PSMB7: variants seen among roughly 807,000 people sequenced by gnomAD.
PSMB7 encodes the protein proteasome 20S subunit beta 7.
A neutral mutation model predicts 28.1 loss-of-function variants in PSMB7; 5 were observed. That is an observed-to-expected ratio of 0.18 (90% CI 0.09 to 0.37). The LOEUF is 0.37. Ranked by LOEUF, PSMB7 falls within the 10% of genes least tolerant of loss-of-function variation. PSMB7 has a pLI of 1.00. For synonymous variants in PSMB7, 122 were observed against 123.7 expected (o/e 0.99, Z 0.09); for missense variants, 275 against 346.2 (o/e 0.79, Z 1.63).
chr9:124,391,010 A>C (rs534864566), intron 5 of PSMB7, among the ~76,000 whole-genome samples: 1 of 152,212 alleles, frequency 6.6e-6, no homozygotes. Context: ...ACCGTCTTAG[A>C]GGTACAATCA....
At chr9:124,407,595 A>G (rs141620888) in intron 4 of PSMB7, among the ~76,000 whole-genome samples, 66 of 152,370 alleles carry the variant, frequency 4.3e-4, no homozygotes, top group African/African-American at 1.6e-3. Flanking sequence ...CTAAGCTAAA[A>G]TATCAACTGT....
chr9:124,387,191 A>T (rs1830732758), intron 5 of PSMB7, among the ~76,000 whole-genome samples: 2 of 152,220 alleles, frequency 1.3e-5, no homozygotes, highest in Admixed American at 1.3e-4. Context: ...GTTTGCAGTG[A>T]GCCCAGATCG....
chr9:124,394,435 C>G (rs1830821946), intron 5 of PSMB7, among the ~76,000 whole-genome samples: 1 of 152,186 alleles, frequency 6.6e-6, no homozygotes, highest in South Asian at 2.1e-4. Context: ...TAACCTCACT[C>G]TCTCTCAGTG....
At chr9:124,361,783 C>T (rs1222783595) in intron 6 of PSMB7, among the ~76,000 whole-genome samples, 1 of 152,224 alleles carries the variant, frequency 6.6e-6, no homozygotes, top group Non-Finnish European at 1.5e-5. Flanking sequence ...TAGAGAGTTG[C>T]ATTTTGTAGA....
intron 4 of PSMB7, among the ~76,000 whole-genome samples, chr9:124,410,307 T>G (rs979809561): frequency 2.6e-5 from 4 of 152,198 alleles, no homozygotes; most frequent in African/African-American, 4.8e-5. Context: ...ATGTTAGGAT[T>G]CTTAAAACAT....
At chr9:124,357,960 G>A (rs1461271635) in intron 6 of PSMB7, among the ~76,000 whole-genome samples, 1 of 152,208 alleles carries the variant, frequency 6.6e-6, no homozygotes, top group African/African-American at 2.4e-5. Context: ...AGGCAGCAAC[G>A]GCAGTGGTAC....
At chr9:124,367,781 G>A (rs774292578) in intron 6 of PSMB7, among the ~76,000 whole-genome samples, 3 of 152,142 alleles carry the variant, frequency 2.0e-5, no homozygotes, top group African/African-American at 7.2e-5. Flanking sequence ...TCATGCACAG[G>A]AGATGCTGGG....
chr9:124,359,395 C>G (rs1830446961), intron 6 of PSMB7, among the ~76,000 whole-genome samples: 2 of 152,328 alleles, frequency 1.3e-5, no homozygotes, highest in African/African-American at 4.8e-5. Context: ...CATCTACCAG[C>G]ACTCTAACGT....
intron 6 of PSMB7, among the ~76,000 whole-genome samples, chr9:124,378,716 G>A (rs1356781774): frequency 6.6e-6 from 1 of 152,186 alleles, no homozygotes; most frequent in East Asian, 1.9e-4. Context: ...AAATAGAATA[G>A]AAGGAAAACT....
intron 4 of PSMB7, among the ~76,000 whole-genome samples, chr9:124,407,022 T>G (rs138382639): frequency 6.6e-6 from 1 of 152,090 alleles, no homozygotes; most frequent in Non-Finnish European, 1.5e-5. Flanking sequence ...AAAGAAGAAT[T>G]AGATCTACAT....
chr9:124,391,100 G>A (rs575921913), intron 5 of PSMB7, among the ~76,000 whole-genome samples: 7 of 152,328 alleles, frequency 4.6e-5, no homozygotes, highest in African/African-American at 1.7e-4. Flanking sequence ...GGCAAACACA[G>A]CACTGAACAA....
intron 6 of PSMB7, among the ~76,000 whole-genome samples, chr9:124,382,872 C>T (rs1346910925): frequency 6.6e-6 from 1 of 152,128 alleles, no homozygotes; most frequent in Non-Finnish European, 1.5e-5. Context: ...TCTAATGTAC[C>T]TCATACTCTC....
rs551948489 is a variant in PSMB7, at chr9:124,399,193, C to CA, written c.511+6123dup. 9.8e-5 allele frequency among the ~76,000 whole-genome samples: 15 copies of CA among 152,298 alleles called. No homozygotes were observed. The South Asian group carries it at 3.1e-3, about 32-fold the overall frequency. On this transcript the variant is annotated intron_variant, in intron 5 of 7. Transcript: ENST00000259457. ...ACTAAGTTTCAGACATTCTTTAGCACAAACAAGTTGGAGAATCAGAAAATT... is the reference window on the plus strand; with the variant it reads ...ACTAAGTTTCAGACATTCTTTAGCACAAAACAAGTTGGAGAATCAGAAAATT...
Position 124,407,239 on chromosome 9 carries a change from A to G in PSMB7, c.396-1807T>C, listed in dbSNP as rs77321349. On this transcript the variant is annotated intron_variant, in intron 4 of 7. Coordinates refer to ENST00000259457, the MANE Select transcript of PSMB7 (RefSeq NM_002799.4). The stretch of plus-strand genomic sequence containing the variant: ...TTTAGACTGTCTGAGACATGGCCAC[A>G]CATCCAGAAGTGCTCTAAGTAAACA... 3.0e-3 allele frequency among the ~76,000 whole-genome samples: 462 copies of G among 152,360 alleles called. 4 individuals carry two copies. Among genetic ancestry groups the G allele is most frequent in the African/African-American group, 0.011 (442 of 41,590 alleles).
At chr9:124,382,189 CTCTCT>C (rs1285744504) in intron 6 of PSMB7, among the ~76,000 whole-genome samples, 1 of 130,604 alleles carries the variant, frequency 7.7e-6, no homozygotes, top group Non-Finnish European at 1.6e-5. Context: ...CTCTGTCTCT[CTCTCT>C]TTTCTCTTTT....
chr9:124,384,227 T>TA (rs1163233404), intron 6 of PSMB7: 1 of 198,810 alleles, frequency 5.0e-6, no homozygotes, highest in East Asian at 1.2e-4. Context: ...TGCAAAGACA[T>TA]ACACAGTTTT....
intron 6 of PSMB7, among the ~76,000 whole-genome samples, chr9:124,366,791 A>G (rs1044251271): frequency 6.6e-6 from 1 of 152,260 alleles, no homozygotes; most frequent in Admixed American, 6.5e-5. Flanking sequence ...TTAGATACAC[A>G]AATACTTACT....
chr9:124,363,477 G>A (rs750935258), intron 6 of PSMB7, among the ~76,000 whole-genome samples: 14 of 152,206 alleles, frequency 9.2e-5, no homozygotes, highest in East Asian at 1.9e-4. Flanking sequence ...CATATTTTAC[G>A]GTAGAAAACT....
At chr9:124,367,126 G>A (rs889977692) in intron 6 of PSMB7, among the ~76,000 whole-genome samples, 10 of 152,338 alleles carry the variant, frequency 6.6e-5, no homozygotes, top group African/African-American at 2.4e-4. Flanking sequence ...GAGAGATGGT[G>A]GCGGGGCAGC....
Sources: allele counts gnomAD v4.1 joint callset (sites outside exome capture counted in the v4.1 genomes callset), GRCh38; gene constraint gnomAD v4.1.1; transcripts MANE v1.5; gene names NCBI Gene and HGNC (gene_info 2026-07-23, HGNC 2026-07-21).